The following CELF1 variants were observed in gnomAD, a reference collection of about 807,000 sequenced individuals.
CELF1 encodes CUGBP Elav-like family member 1, also known as 50 kDa nuclear polyadenylated RNA-binding protein.
A neutral mutation model predicts 61.8 loss-of-function variants in CELF1; 10 were observed. The observed-to-expected ratio is 0.16, with a 90% CI of 0.10 to 0.27. CELF1 has a LOEUF of 0.27. CELF1 is among the 10% of genes least tolerant of loss of function. CELF1 has a pLI of 1.00. For synonymous variants in CELF1, 236 were observed against 225.1 expected (o/e 1.05, Z -0.43); for missense variants, 380 against 639.1 (o/e 0.59, Z 4.37).
intron 3 of CELF1, among the ~76,000 whole-genome samples, chr11:47,489,649 T>C (rs1463981877): frequency 1.3e-5 from 2 of 152,196 alleles, no homozygotes; most frequent in Admixed American, 6.5e-5. Flanking sequence ...GCGATGAACA[T>C]AAACAATGTT....
Position 47,527,202 on chromosome 11 carries a change from A to T in CELF1, c.-154+25790T>A, listed in dbSNP as rs982274209. Among the ~76,000 whole-genome samples the T allele has an allele frequency of 3.9e-5, 6 of 152,052 alleles. No individual in the cohort carries two copies. In the East Asian group the frequency reaches 1.2e-3, roughly 30 times the overall value. ...TGTTATTAAAAGCCTCTTAACACTA[A>T]ACATAAGGAGACCTCATCTCTACAG... On this transcript the variant is annotated intron_variant, in intron 1 of 14. Transcript: ENST00000687097.
At chr11:47,561,787 T>C (rs1474267956) in intron 2 of CELF1, among the ~76,000 whole-genome samples, 3 of 152,082 alleles carry the variant, frequency 2.0e-5, no homozygotes, top group Non-Finnish European at 2.9e-5. Context: ...AACTGATAAA[T>C]GGAGAAAAAC....
At chr11:47,488,688 G>C (rs1251707677) in intron 4 of CELF1, 149 bp downstream of exon 4, 6 of 545,294 alleles carry the variant, frequency 1.1e-5, no homozygotes, top group South Asian at 4.5e-5. Context: ...CAGACAGACA[G>C]GAGTATTCTG....
At chr11:47,541,719 AAAGAAAGAACGAAAGAAAGAACG>A (rs2096789738) in intron 1 of CELF1, among the ~76,000 whole-genome samples, 1 of 7,264 alleles carries the variant, frequency 1.4e-4, no homozygotes, top group African/African-American at 2.9e-4. Flanking sequence ...AGAAAGAAAG[AAAGAAAGAACGAAAGAAAGAACG>A]AAAGAAAGAA....
chr11:47,558,791 T>A (rs1447111367), intron 2 of CELF1, among the ~76,000 whole-genome samples: 2 of 119,182 alleles, frequency 1.7e-5, no homozygotes, highest in African/African-American at 3.2e-5. Context: ...ATATATATAA[T>A]ATATATTGCA....
chr11:47,528,602 G>A (rs1402371766), intron 1 of CELF1, among the ~76,000 whole-genome samples: 2 of 150,670 alleles, frequency 1.3e-5, no homozygotes, highest in African/African-American at 4.9e-5. Context: ...ATGGAAAAAA[G>A]CAAGATCCTG....
At chr11:47,560,854 T>G (rs926589212) in intron 2 of CELF1, among the ~76,000 whole-genome samples, 2 of 152,198 alleles carry the variant, frequency 1.3e-5, no homozygotes, top group South Asian at 4.1e-4. Context: ...AAAAGTTTAT[T>G]CTGGCTGGGC....
chr11:47,489,235 G>A (rs1304190328), intron 3 of CELF1, among the ~76,000 whole-genome samples: 2 of 151,360 alleles, frequency 1.3e-5, no homozygotes, highest in South Asian at 4.1e-4. Context: ...TCACCATTCT[G>A]ATTGGGACAT....
chr11:47,503,218 T>TA (rs941095133), intron 1 of CELF1, among the ~76,000 whole-genome samples: 1 of 152,184 alleles, frequency 6.6e-6, no homozygotes. Flanking sequence ...AGGAATAGTA[T>TA]AAACTTAACA....
intron 2 of CELF1, among the ~76,000 whole-genome samples, chr11:47,563,560 G>A (rs1323164541): frequency 3.9e-5 from 6 of 152,068 alleles, no homozygotes; most frequent in Admixed American, 2.0e-4. Context: ...ATGGTGGCGG[G>A]CACCTGTAGT....
At chr11:47,565,067 C>G (rs2097240501) in intron 1 of CELF1, among the ~76,000 whole-genome samples, 2 of 152,152 alleles carry the variant, frequency 1.3e-5, no homozygotes, top group Non-Finnish European at 2.9e-5. Flanking sequence ...GGTAGCTCCT[C>G]TGTTTGAAAG....
intron 9 of CELF1, chr11:47,482,445 AAACCAGG>A (rs1185170799): frequency 3.2e-6 from 1 of 309,962 alleles, no homozygotes; most frequent in Non-Finnish European, 5.9e-6. Flanking sequence ...TTAAAACGGG[AAACCAGG>A]AATTCACTTT....
At chr11:47,532,495 G>T (rs1174015926) in intron 1 of CELF1, among the ~76,000 whole-genome samples, 3 of 152,196 alleles carry the variant, frequency 2.0e-5, no homozygotes, top group African/African-American at 7.2e-5. Flanking sequence ...GCTGTAGAAG[G>T]GATTCCTTCC....
Position 47,538,655 on chromosome 11 carries a change from A to AT in CELF1, c.-154+14336_-154+14337insA, listed in dbSNP as rs202067661. 3.1e-3 allele frequency among the ~76,000 whole-genome samples: 459 copies of AT among 148,176 alleles called. 3 individuals carry two copies. Among genetic ancestry groups the AT allele is most frequent in the East Asian group, 0.027 (137 of 4,994 alleles). On this transcript the variant is annotated intron_variant, in intron 1 of 14. Transcript: ENST00000687097. ...AAGACTCCGTCTCAAAAAAAAAAAA[A>AT]AAAAAAATCTCCATTTCAAAACTAG...
chr11:47,491,172 A>C (rs1347590676), intron 3 of CELF1, among the ~76,000 whole-genome samples: 2 of 142,204 alleles, frequency 1.4e-5, no homozygotes, highest in Non-Finnish European at 3.1e-5. Context: ...CTATTTCTTT[A>C]TTTTTTATTT....
At chr11:47,551,596 T>C (rs924057259) in intron 1 of CELF1, among the ~76,000 whole-genome samples, 2 of 152,216 alleles carry the variant, frequency 1.3e-5, no homozygotes, top group African/African-American at 4.8e-5. Context: ...CACCAAGGAT[T>C]AATAGAGAGG....
intron 1 of CELF1, among the ~76,000 whole-genome samples, chr11:47,527,329 T>C (rs1002595911): frequency 6.6e-6 from 1 of 152,138 alleles, no homozygotes; most frequent in Non-Finnish European, 1.5e-5. Flanking sequence ...AGGTCAAGAC[T>C]GCAGTTAGCC....
intron 4 of CELF1, 116 bp downstream of exon 4, chr11:47,488,721 T>A (rs905715752): frequency 2.8e-6 from 2 of 723,918 alleles, no homozygotes; most frequent in African/African-American, 3.6e-5. Flanking sequence ...AGAATGCACA[T>A]GAAAGAAATT....
intron 9 of CELF1, among the ~76,000 whole-genome samples, chr11:47,479,405 C>T (rs958908782): frequency 2.6e-5 from 4 of 152,246 alleles, no homozygotes; most frequent in African/African-American, 9.6e-5. Flanking sequence ...CTACTTCACA[C>T]AACTATTTTA....
Sources: gnomAD v4.1 joint callset for allele counts (sites outside exome capture counted in the v4.1 genomes callset) on GRCh38, gnomAD v4.1.1 for gene constraint, MANE v1.5 for transcripts, NCBI Gene and HGNC (gene_info 2026-07-23, HGNC 2026-07-21) for gene names.